The following NPC1 variants were observed in gnomAD, a reference collection of about 807,000 sequenced individuals.
The protein encoded by NPC1 is Niemann-Pick C1 protein.
In NPC1, 85 loss-of-function variants were observed where a neutral mutation model predicts 140.4. The ratio of observed to expected loss-of-function variants is 0.61; its 90% CI spans 0.51 to 0.72. The LOEUF is 0.72. Ranked by LOEUF, NPC1 falls within the 30% of genes least tolerant of loss-of-function variation. The pLI, the probability that NPC1 is intolerant of heterozygous loss-of-function variation, is 0.00. For missense variants in NPC1, 1,504 were observed against 1,623.8 expected (o/e 0.93, Z 1.27); for synonymous variants, 656 against 624.8 (o/e 1.05, Z -0.74).
chr18:23,560,775 C>A (rs2059027315), intron 5 of NPC1, among the ~76,000 whole-genome samples: 2 of 152,198 alleles, frequency 1.3e-5, no homozygotes, highest in African/African-American at 4.8e-5. Context: ...GGAGCTAATA[C>A]TATAGCAGAG....
At chr18:23,529,315 C>T (rs777706940), downstream of NPC1, 27 of 1,602,328 alleles carry the variant, frequency 1.7e-5, no homozygotes, top group South Asian at 1.1e-4. Flanking sequence ...TGCAGCTTTC[C>T]GCCTCTTCTG....
chr18:23,571,666 A>T (rs918877024), intron 3 of NPC1, among the ~76,000 whole-genome samples: 3 of 151,382 alleles, frequency 2.0e-5, no homozygotes, highest in South Asian at 2.1e-4. Flanking sequence ...AAAAAAAAAA[A>T]AATAAAGAAA....
At chr18:23,558,353 TCAA>T (rs2058985065) in intron 6 of NPC1, among the ~76,000 whole-genome samples, 1 of 152,138 alleles carries the variant, frequency 6.6e-6, no homozygotes, top group Non-Finnish European at 1.5e-5. Context: ...AAGAGACGCA[TCAA>T]CATCAGGGAT....
intron 9 of NPC1, among the ~76,000 whole-genome samples, chr18:23,554,422 A>G (rs2058919295): frequency 6.6e-6 from 1 of 152,144 alleles, no homozygotes; most frequent in Non-Finnish European, 1.5e-5. Context: ...CCTGGCCAAC[A>G]TGGCGAAACC....
rs779729326 is a variant in NPC1, at chr18:23,541,362, G to A, written c.2317C>T (p.Leu773Phe). The A allele has an allele frequency of 1.2e-6, 2 of 1,614,226 alleles. No individual in the cohort carries two copies. The highest frequency in any genetic ancestry group is 2.2e-5 in the South Asian group (2 of 91,086). The change falls in exon 15 of 25, where the codon CTT (leucine) becomes TTT (phenylalanine). Residue 773 changes from leucine to phenylalanine, a missense_variant. By Grantham distance (22) the Leu-to-Phe change is conservative. Coordinates refer to ENST00000269228, the MANE Select transcript of NPC1 (RefSeq NM_000271.5). The part of the protein sequence containing the change: ...FAGLAVFIDF[L>F]LQITCFVSLL... ...CTCACGAAACAGGTAATCTGCAGAA[G>A]AAAGTCAATGAAGACTGCCAATCCC...
intron 1 of NPC1, among the ~76,000 whole-genome samples, chr18:23,579,591 A>T (rs1484899837): frequency 6.6e-6 from 1 of 151,822 alleles, no homozygotes; most frequent in Non-Finnish European, 1.5e-5. Context: ...AGGAAAGGTT[A>T]AAAAAAAGCC....
downstream of NPC1, chr18:23,524,412 T>G: frequency 2.5e-6 from 4 of 1,613,858 alleles, no homozygotes. Context: ...TGGTTTAGAA[T>G]TTCCTATAAC....
chr18:23,514,167 A>G, intron 3 of NPC1, among the ~76,000 whole-genome samples: 1 of 152,212 alleles, frequency 6.6e-6, no homozygotes, highest in Non-Finnish European at 1.5e-5. Context: ...GGTTAGAGAA[A>G]ATACACCTGT....
chr18:23,544,604 T>TAG, intron 12 of NPC1, 78 bp from the exon 13 acceptor site: 2 of 1,311,972 alleles, frequency 1.5e-6, no homozygotes, highest in Non-Finnish European at 2.2e-6. Flanking sequence ...GTCCTCCTTT[T>TAG]TACTTTACAG....
At chr18:23,550,512 C>T (rs1445947111) in intron 10 of NPC1, among the ~76,000 whole-genome samples, 2 of 31,266 alleles carry the variant, frequency 6.4e-5, no homozygotes, top group South Asian at 9.9e-4. Context: ...GATGGAGTCT[C>T]ACTCTGTCGC....
chr18:23,572,007 A>G (rs888934441), intron 3 of NPC1, 67 bp downstream of exon 3: 44 of 884,586 alleles, frequency 5.0e-5, no homozygotes, highest in Admixed American at 2.8e-4. Context: ...GAATAAATGG[A>G]AAGCTGAGCA....
In NPC1 at chr18:23,552,553, G is replaced by A. The variant is rs112118513; in HGVS notation, c.1554-826C>T. 7.5e-3 allele frequency among the ~76,000 whole-genome samples: 1,136 copies of A among 152,346 alleles called. 1 individual carries two copies. The highest frequency in any genetic ancestry group is 0.012 in the Non-Finnish European group (794 of 68,018). ...GTGGCAAAGTGGAAGGTCTGGAAAC[G>A]GCAAAGAAACAGGAAGCAGGTGGAA... On this transcript the variant is annotated intron_variant, in intron 9 of 24. Coordinates refer to ENST00000269228, the MANE Select transcript of NPC1 (RefSeq NM_000271.5).
chr18:23,559,702 C>T (rs1422110588), intron 6 of NPC1, among the ~76,000 whole-genome samples: 5 of 151,924 alleles, frequency 3.3e-5, no homozygotes, highest in Non-Finnish European at 7.4e-5. Context: ...GTAATCCCAG[C>T]ACTCTGGGAG....
At position 23,539,976 on chromosome 18, in the gene NPC1, T is replaced by G. The variant is rs773177148; in HGVS notation, c.2630A>C (p.Lys877Thr). The part of the protein sequence containing the change: ...PDDSYMVDYF[K>T]SISQYLHAGP... ...CGCATGCAGGTACTGACTGATGGATTTGAAATAATCCACCATGTAGGAGTC... is the reference window on the plus strand; with the variant it reads ...CGCATGCAGGTACTGACTGATGGATGTGAAATAATCCACCATGTAGGAGTC... Residue 877 changes from lysine to threonine, a missense_variant, in exon 18 of 25, where the codon AAA becomes ACA. Transcript: ENST00000269228. 6.2e-7 allele frequency: 1 copy of G among 1,614,170 alleles called. No individual in the cohort carries two copies. Among genetic ancestry groups the G allele is most frequent in the African/African-American group, 1.3e-5 (1 of 75,034 alleles).
At chr18:23,543,941 T>C (rs2058748066) in intron 13 of NPC1, among the ~76,000 whole-genome samples, 1 of 152,194 alleles carries the variant, frequency 6.6e-6, no homozygotes, top group Admixed American at 6.5e-5. Context: ...GTTGACCTTT[T>C]GCCTTTTTAG....
intron 7 of NPC1, 75 bp downstream of exon 7, chr18:23,557,042 C>T: frequency 8.0e-7 from 1 of 1,244,220 alleles, no homozygotes; most frequent in Non-Finnish European, 1.2e-6. Context: ...CTGCTGCAAC[C>T]CCACTGAGGA....
At chr18:23,531,061 C>G (rs1275254767), downstream of NPC1, among the ~76,000 whole-genome samples, 1 of 151,408 alleles carries the variant, frequency 6.6e-6, no homozygotes, top group African/African-American at 2.4e-5. Flanking sequence ...GTGGTGTGAT[C>G]TCGGTTCACT....
chr18:23,532,304 TTTC>T lies in NPC1; in HGVS notation c.3755-23_3755-21del, dbSNP rs771573180. 5.6e-6 allele frequency: 9 copies of T among 1,613,850 alleles called. No homozygotes were observed. The Admixed American group carries it at 1.3e-4, about 24-fold the overall frequency. On this transcript the variant is annotated intron_variant, in intron 24 of 24. Transcript: ENST00000269228. The stretch of plus-strand genomic sequence containing the variant: ...ATGGCCCTATGAGAGAGAGAGACTT[TTTC>T]TTATTTCTGCAGGAGAAAGGGAGCT...
At chr18:23,526,765 A>G, downstream of NPC1, 3 of 1,613,868 alleles carry the variant, frequency 1.9e-6, no homozygotes, top group South Asian at 1.1e-5. Flanking sequence ...CTGTTCACAG[A>G]GTAAGTTGAA....
Sources: gnomAD v4.1 joint callset for allele counts (sites outside exome capture counted in the v4.1 genomes callset) on GRCh38, gnomAD v4.1.1 for gene constraint, MANE v1.5 for transcripts, NCBI Gene and HGNC (gene_info 2026-07-23, HGNC 2026-07-21) for gene names.